The following RALYL variants were observed in gnomAD, a reference collection of about 807,000 sequenced individuals.
The protein encoded by RALYL is RNA-binding Raly-like protein.
In RALYL, 29 loss-of-function variants were observed where a neutral mutation model predicts 35.1. The observed-to-expected ratio is 0.83, with a 90% confidence interval of 0.61 to 1.13. RALYL has a LOEUF of 1.13. Among genes scored for constraint, RALYL ranks in the 50% most tolerant of loss-of-function variants. The pLI, the probability that RALYL is intolerant of heterozygous loss-of-function variation, is 0.00. For synonymous variants in RALYL, 120 were observed against 127.6 expected (o/e 0.94, Z 0.40); for missense variants, 359 against 360.4 (o/e 1.00, Z 0.03).
At chr8:84,635,025 A>T (rs891927719) in intron 2 of RALYL, among the ~76,000 whole-genome samples, 4 of 151,778 alleles carry the variant, frequency 2.6e-5, no homozygotes, top group African/African-American at 9.7e-5. Flanking sequence ...ATGGTGGTAA[A>T]AAAAGGTATT....
intron 2 of RALYL, among the ~76,000 whole-genome samples, chr8:84,736,051 T>C (rs1265803727): frequency 6.6e-6 from 1 of 152,144 alleles, no homozygotes; most frequent in Non-Finnish European, 1.5e-5. Flanking sequence ...AGTCATACTT[T>C]TCTAGCAATG....
At chr8:84,359,811 A>G (rs1586586906) in intron 1 of RALYL, among the ~76,000 whole-genome samples, 2 of 152,246 alleles carry the variant, frequency 1.3e-5, no homozygotes, top group East Asian at 1.9e-4. Context: ...GTGTTATTCA[A>G]TAGCCACTAG....
intron 7 of RALYL, among the ~76,000 whole-genome samples, chr8:84,877,377 C>T (rs969065494): frequency 1.3e-5 from 2 of 152,056 alleles, no homozygotes; most frequent in African/African-American, 4.8e-5. Context: ...ATCCCAGCTA[C>T]TCAGGAGTCT....
At chr8:84,706,399 C>G (rs938993780) in intron 2 of RALYL, among the ~76,000 whole-genome samples, 1 of 152,104 alleles carries the variant, frequency 6.6e-6, no homozygotes, top group Admixed American at 6.6e-5. Context: ...GATAGATTTT[C>G]TTTCCTGGAA....
At chr8:84,213,745 G>C (rs17781380) in intron 1 of RALYL, among the ~76,000 whole-genome samples, 1 of 152,050 alleles carries the variant, frequency 6.6e-6, no homozygotes, top group Non-Finnish European at 1.5e-5. Context: ...TTACAGAGAA[G>C]TATTACAATG....
At chr8:84,692,792 G>A (rs1838326300) in intron 2 of RALYL, among the ~76,000 whole-genome samples, 1 of 151,958 alleles carries the variant, frequency 6.6e-6, no homozygotes, top group Non-Finnish European at 1.5e-5. Flanking sequence ...AGTGATGGCA[G>A]ATTATCTGGA....
intron 2 of RALYL, among the ~76,000 whole-genome samples, chr8:84,628,414 T>C (rs961245585): frequency 5.3e-5 from 8 of 152,136 alleles, no homozygotes; most frequent in African/African-American, 1.9e-4. Context: ...GCTTCCTAAT[T>C]TGTGAACATT....
At chr8:84,261,867 A>G (rs145631555) in intron 1 of RALYL, among the ~76,000 whole-genome samples, 97 of 152,232 alleles carry the variant, frequency 6.4e-4, no homozygotes, top group Admixed American at 5.0e-3. Context: ...TTTAAGCTGC[A>G]TTTTTGAAGT....
chr8:84,430,013 A>T (rs906623726), intron 1 of RALYL, among the ~76,000 whole-genome samples: 11 of 140,192 alleles, frequency 7.8e-5, no homozygotes, highest in Non-Finnish European at 1.4e-4. Context: ...GAGTTTGCTT[A>T]AAAAAAAAAA....
Position 84,198,628 on chromosome 8 carries a change from C to T in RALYL, c.-24+14204C>T, listed in dbSNP as rs1019454367. On this transcript the variant is annotated intron_variant, in intron 1 of 8. Transcript: ENST00000521268. ...TTATTCAGTCATTCCATTTTTTGTA[C>T]CTATTAATCATCCCCACCTCCCTGC... Among the ~76,000 whole-genome samples the T allele has an allele frequency of 5.9e-5, 9 of 152,038 alleles. No individual in the cohort carries two copies. In the South Asian group the frequency reaches 6.2e-4, roughly 10 times the overall value.
chr8:84,373,129 T>C (rs879735404), intron 1 of RALYL, among the ~76,000 whole-genome samples: 23 of 151,634 alleles, frequency 1.5e-4, no homozygotes, highest in Admixed American at 1.5e-3. Context: ...TTATAGATGA[T>C]GGATATTAGA....
rs1831482193 is a variant in RALYL, at chr8:84,664,229, T to A, written c.257-110350T>A. 2.7e-5 allele frequency among the ~76,000 whole-genome samples: 4 copies of A among 150,606 alleles called. No homozygotes were observed. The South Asian group carries it at 8.4e-4, about 32-fold the overall frequency. The stretch of plus-strand genomic sequence containing the variant: ...GGTTACTCTAGCCCCATAGCATAGT[T>A]TGAAGTCAGGTAGCGTGAGTGTGAT... On this transcript the variant is annotated intron_variant, in intron 2 of 8. Transcript: ENST00000521268.
intron 2 of RALYL, among the ~76,000 whole-genome samples, chr8:84,633,373 C>G (rs975268620): frequency 2.0e-5 from 3 of 151,578 alleles, no homozygotes; most frequent in East Asian, 3.9e-4. Context: ...TCCTTTCCCC[C>G]CTGACTTTAA....
At chr8:84,215,086 T>C (rs1325138760) in intron 1 of RALYL, among the ~76,000 whole-genome samples, 1 of 151,994 alleles carries the variant, frequency 6.6e-6, no homozygotes, top group African/African-American at 2.4e-5. Context: ...TTTGTATTTT[T>C]AGTAGAGATG....
intron 8 of RALYL, among the ~76,000 whole-genome samples, chr8:84,899,317 T>C (rs1039945953): frequency 2.0e-5 from 3 of 152,096 alleles, no homozygotes; most frequent in African/African-American, 7.2e-5. Context: ...ATTAATGATT[T>C]TCCTTCTTTC....
intron 1 of RALYL, among the ~76,000 whole-genome samples, 177 bp downstream of exon 1, chr8:84,184,601 G>T (rs552002913): frequency 6.6e-6 from 1 of 152,120 alleles, no homozygotes; most frequent in Admixed American, 6.5e-5. Flanking sequence ...ACCAAAGTCC[G>T]TTCCCTGCTT....
intron 1 of RALYL, among the ~76,000 whole-genome samples, chr8:84,414,272 T>A (rs2044395897): frequency 6.6e-6 from 1 of 152,174 alleles, no homozygotes. Flanking sequence ...ACTTTGCCAT[T>A]TTTGTTCACT....
rs557656103 is a variant in RALYL at position 84,894,645 on chromosome 8, T to G, written c.858+6869T>G. On this transcript the variant is annotated intron_variant, in intron 8 of 8. Coordinates refer to ENST00000521268, the MANE Select transcript of RALYL (RefSeq NM_173848.7). The stretch of plus-strand genomic sequence containing the variant: ...CCATCTGTTCTCAACAGAAATGGGA[T>G]ATGACTCAGCCTTTGATGTGAGAGA... Among the ~76,000 whole-genome samples the G allele has an allele frequency of 3.3e-5, 5 of 152,294 alleles. 1 individual carries two copies. The highest frequency in any genetic ancestry group is 1.2e-4 in the African/African-American group (5 of 41,580).
intron 4 of RALYL, chr8:84,829,478 A>T (rs1427497303): frequency 6.4e-6 from 1 of 155,704 alleles, no homozygotes; most frequent in Non-Finnish European, 1.4e-5. Flanking sequence ...ATGAGGTTTC[A>T]TCTTTCCAGT....
Sources: gnomAD v4.1 joint callset for allele counts (sites outside exome capture counted in the v4.1 genomes callset) on GRCh38, gnomAD v4.1.1 for gene constraint, MANE v1.5 for transcripts, NCBI Gene and HGNC (gene_info 2026-07-23, HGNC 2026-07-21) for gene names.